CLSTN2: variants seen among roughly 807,000 people sequenced by gnomAD.
CLSTN2 encodes the protein calsyntenin-2.
Under a neutral mutation model 101.2 loss-of-function variants are expected in CLSTN2, and 48 were observed. That is an observed-to-expected ratio of 0.47 (90% CI 0.38 to 0.60). The LOEUF (loss-of-function observed/expected upper bound fraction) is 0.60, where lower values mean the gene tolerates loss of function less well. Ranked by LOEUF, CLSTN2 falls within the 20% of genes least tolerant of loss-of-function variation. The pLI is 0.00. For synonymous variants in CLSTN2, 481 were observed against 463.6 expected (o/e 1.04, Z -0.48); for missense variants, 1,160 against 1,238.2 (o/e 0.94, Z 0.95).
At chr3:140,406,633 T>G (rs1262690624) in intron 4 of CLSTN2, among the ~76,000 whole-genome samples, 1 of 152,234 alleles carries the variant, frequency 6.6e-6, no homozygotes, top group African/African-American at 2.4e-5. Context: ...GGCACACATG[T>G]GCACACACCA....
intron 1 of CLSTN2, among the ~76,000 whole-genome samples, chr3:140,158,974 A>G (rs1479440035): frequency 6.6e-6 from 1 of 152,120 alleles, no homozygotes; most frequent in East Asian, 1.9e-4. Flanking sequence ...ATTGGCTAGT[A>G]ATATACAGAA....
intron 1 of CLSTN2, among the ~76,000 whole-genome samples, chr3:139,947,933 G>A (rs545082422): frequency 1.3e-5 from 2 of 152,028 alleles, no homozygotes; most frequent in East Asian, 3.9e-4. Context: ...TAGGGAGAAG[G>A]AACTCAAGTC....
intron 2 of CLSTN2, among the ~76,000 whole-genome samples, chr3:140,231,349 G>A (rs1051554799): frequency 1.3e-5 from 2 of 151,986 alleles, no homozygotes; most frequent in Non-Finnish European, 2.9e-5. Flanking sequence ...AGTTATAAAT[G>A]TCTAGGTCTA....
At chr3:140,541,377 G>A (rs1935474079) in intron 9 of CLSTN2, among the ~76,000 whole-genome samples, 1 of 152,228 alleles carries the variant, frequency 6.6e-6, no homozygotes, top group African/African-American at 2.4e-5. Flanking sequence ...TTTAAGTGCT[G>A]CTAATTTACA....
At chr3:140,281,638 T>A (rs957785643) in intron 2 of CLSTN2, among the ~76,000 whole-genome samples, 10 of 152,202 alleles carry the variant, frequency 6.6e-5, no homozygotes, top group African/African-American at 2.2e-4. Flanking sequence ...TTTAAAAATC[T>A]TCATGTCTGT....
intron 2 of CLSTN2, among the ~76,000 whole-genome samples, chr3:140,351,483 A>G (rs1203866799): frequency 6.6e-6 from 1 of 152,226 alleles, no homozygotes; most frequent in East Asian, 1.9e-4. Context: ...ACCCTAATCA[A>G]TAGTAAATAG....
rs114367630 is a variant in CLSTN2 at position 140,467,909 on chromosome 3, G to A, written c.1344+1178G>A. Among the ~76,000 whole-genome samples the A allele has an allele frequency of 1.6e-3, 251 of 152,272 alleles. 1 individual carries two copies. The highest frequency in any genetic ancestry group is 5.3e-3 in the African/African-American group (220 of 41,556). ...CTTTCATCCTCATAGAAGTACACAT[G>A]TATGTTCTCTAAAACAAAGATTCAT... is the stretch of plus-strand genomic sequence containing the variant. On this transcript the variant is annotated intron_variant, in intron 8 of 16. Coordinates refer to ENST00000458420, the MANE Select transcript of CLSTN2 (RefSeq NM_022131.3).
rs146623221 is a variant in CLSTN2 at position 140,183,657 on chromosome 3, T to C, written c.232+7584T>C. ...ACTCCAGAGCCCATGGCTTGGCAAG[T>C]AGAGAAAAAGGTGGATTTCTGCCCC... is the stretch of plus-strand genomic sequence containing the variant. On this transcript the variant is annotated intron_variant, in intron 2 of 16. Transcript: ENST00000458420. Among the ~76,000 whole-genome samples the C allele has an allele frequency of 6.0e-4, 92 of 152,218 alleles. No individual in the cohort carries two copies. In the East Asian group the frequency reaches 0.016, roughly 26 times the overall value.
At chr3:140,105,680 C>A (rs1269658832) in intron 1 of CLSTN2, among the ~76,000 whole-genome samples, 1 of 152,142 alleles carries the variant, frequency 6.6e-6, no homozygotes, top group African/African-American at 2.4e-5. Context: ...TTCATCAGAC[C>A]CCCGGCACCA....
intron 1 of CLSTN2, among the ~76,000 whole-genome samples, chr3:140,124,044 A>G (rs1241367288): frequency 6.6e-6 from 1 of 152,088 alleles, no homozygotes; most frequent in Non-Finnish European, 1.5e-5. Flanking sequence ...GAGAGAGACA[A>G]TTTTAAAAAC....
intron 1 of CLSTN2, among the ~76,000 whole-genome samples, chr3:140,044,970 G>A (rs943209751): frequency 6.6e-6 from 1 of 152,168 alleles, no homozygotes; most frequent in Non-Finnish European, 1.5e-5. Flanking sequence ...ATGTTCATCA[G>A]GGATATTGGT....
chr3:140,339,414 A>G (rs2087471252), intron 2 of CLSTN2, among the ~76,000 whole-genome samples: 1 of 152,178 alleles, frequency 6.6e-6, no homozygotes, highest in African/African-American at 2.4e-5. Flanking sequence ...GAGTAATTAC[A>G]GGGATTTAAT....
intron 2 of CLSTN2, among the ~76,000 whole-genome samples, chr3:140,280,179 A>G (rs2086831759): frequency 6.6e-6 from 1 of 152,254 alleles, no homozygotes; most frequent in South Asian, 2.1e-4. Flanking sequence ...AAAGTAGACT[A>G]CATTCTGAGA....
intron 2 of CLSTN2, among the ~76,000 whole-genome samples, chr3:140,325,440 C>T (rs1292303498): frequency 6.6e-6 from 1 of 152,144 alleles, no homozygotes; most frequent in Non-Finnish European, 1.5e-5. Context: ...ATGAAGACCC[C>T]CTCCTTCCCC....
intron 5 of CLSTN2, among the ~76,000 whole-genome samples, chr3:140,447,474 A>C (rs967251445): frequency 2.0e-5 from 3 of 152,146 alleles, no homozygotes; most frequent in Non-Finnish European, 4.4e-5. Flanking sequence ...TCCTGTGTAC[A>C]TTCACTTGTA....
At chr3:140,457,401 G>A (rs1933430188) in intron 6 of CLSTN2, among the ~76,000 whole-genome samples, 1 of 152,226 alleles carries the variant, frequency 6.6e-6, no homozygotes, top group Admixed American at 6.5e-5. Flanking sequence ...CTATTGCCAT[G>A]TTGTGTTATT....
chr3:140,193,642 G>A (rs2010603868), intron 2 of CLSTN2, among the ~76,000 whole-genome samples: 1 of 151,866 alleles, frequency 6.6e-6, no homozygotes, highest in African/African-American at 2.4e-5. Context: ...ATCCTCTCTG[G>A]TGTTTGTTCA....
chr3:140,156,525 A>G (rs1208304903), intron 1 of CLSTN2, among the ~76,000 whole-genome samples: 2 of 152,336 alleles, frequency 1.3e-5, no homozygotes, highest in East Asian at 3.9e-4. Context: ...CACAGACTGC[A>G]ACTTCAGGGA....
At chr3:140,495,811 C>T (rs1934452714) in intron 8 of CLSTN2, among the ~76,000 whole-genome samples, 1 of 152,084 alleles carries the variant, frequency 6.6e-6, no homozygotes, top group Non-Finnish European at 1.5e-5. Flanking sequence ...TTATTCTGTT[C>T]CATTGGTCTA....
Sources: allele counts gnomAD v4.1 joint callset (sites outside exome capture counted in the v4.1 genomes callset), GRCh38; gene constraint gnomAD v4.1.1; transcripts MANE v1.5; gene names NCBI Gene and HGNC (gene_info 2026-07-23, HGNC 2026-07-21).